Variants in SLC25A13 observed in about 807,000 individuals in gnomAD.
The protein encoded by SLC25A13 is electrogenic aspartate/glutamate antiporter SLC25A13, mitochondrial.
SLC25A13 carries 70 observed loss-of-function variants against 85.5 expected under a neutral mutation model. The observed-to-expected ratio is 0.82, with a 90% CI of 0.68 to 1.00. The LOEUF is 1.00. SLC25A13 is among the 50% of genes least tolerant of loss of function. SLC25A13 has a pLI of 0.00. For missense variants in SLC25A13, 765 were observed against 819.8 expected, an observed-to-expected ratio of 0.93 and a Z score of 0.82; for synonymous variants, 259 against 288.7, an observed-to-expected ratio of 0.90 and a Z score of 1.04.
intron 5 of SLC25A13, among the ~76,000 whole-genome samples, chr7:96,193,485 T>C (rs1015466400): frequency 6.6e-6 from 1 of 152,136 alleles, no homozygotes; most frequent in Admixed American, 6.6e-5. Flanking sequence ...GAATGAAGTG[T>C]TGTAGGTTCA....
chr7:96,141,468 A>G (rs571694193), intron 14 of SLC25A13, among the ~76,000 whole-genome samples: 4 of 152,348 alleles, frequency 2.6e-5, no homozygotes, highest in Admixed American at 6.5e-5. Context: ...GTGAATTAAT[A>G]TGATTTACAT....
intron 3 of SLC25A13, among the ~76,000 whole-genome samples, chr7:96,266,375 T>C (rs1406502700): frequency 6.6e-6 from 1 of 152,158 alleles, no homozygotes; most frequent in Non-Finnish European, 1.5e-5. Flanking sequence ...TTATCTACTC[T>C]CAAGTGAGTC....
At chr7:96,175,415 C>T (rs1279091052) in intron 11 of SLC25A13, among the ~76,000 whole-genome samples, 2 of 152,180 alleles carry the variant, frequency 1.3e-5, no homozygotes, top group Non-Finnish European at 1.5e-5. Context: ...GGGGAGCACT[C>T]GCTATATCCA....
At chr7:96,171,763 C>A (rs1361369177) in intron 11 of SLC25A13, among the ~76,000 whole-genome samples, 1 of 152,130 alleles carries the variant, frequency 6.6e-6, no homozygotes, top group East Asian at 1.9e-4. Flanking sequence ...GGTAAATCAA[C>A]AGTATTAGTG....
At chr7:96,302,022 T>C (rs1023307536) in intron 1 of SLC25A13, among the ~76,000 whole-genome samples, 1 of 152,186 alleles carries the variant, frequency 6.6e-6, no homozygotes, top group Non-Finnish European at 1.5e-5. Context: ...GTATGGAAAT[T>C]TCAGGTCGAT....
intron 14 of SLC25A13, among the ~76,000 whole-genome samples, chr7:96,142,386 T>C (rs1470909546): frequency 6.6e-6 from 1 of 152,216 alleles, no homozygotes; most frequent in African/African-American, 2.4e-5. Context: ...ATTGATTTGC[T>C]TAGGATAGTG....
intron 1 of SLC25A13, among the ~76,000 whole-genome samples, chr7:96,319,655 T>A (rs776536757): frequency 3.3e-5 from 5 of 151,262 alleles, no homozygotes; most frequent in Non-Finnish European, 7.4e-5. Flanking sequence ...GAAAATGCAA[T>A]CACCTCTAGT....
intron 4 of SLC25A13, among the ~76,000 whole-genome samples, chr7:96,228,800 G>C (rs1293494082): frequency 6.6e-6 from 1 of 152,200 alleles, no homozygotes; most frequent in Non-Finnish European, 1.5e-5. Context: ...CCTGCACTCG[G>C]AGTGGATGGC....
chr7:96,228,710 G>C (rs1248098382), intron 4 of SLC25A13, among the ~76,000 whole-genome samples: 1 of 152,166 alleles, frequency 6.6e-6, no homozygotes, highest in Non-Finnish European at 1.5e-5. Context: ...TGTGGAGATA[G>C]ACCGTGTGGG....
At chr7:96,295,019 A>T (rs1440258517) in intron 2 of SLC25A13, among the ~76,000 whole-genome samples, 1 of 152,164 alleles carries the variant, frequency 6.6e-6, no homozygotes, top group Non-Finnish European at 1.5e-5. Flanking sequence ...CTTTCATATA[A>T]GTTACCTCAC....
chr7:96,166,659 T>C (rs943351414), intron 13 of SLC25A13, among the ~76,000 whole-genome samples: 6 of 152,188 alleles, frequency 3.9e-5, no homozygotes, highest in Non-Finnish European at 8.8e-5. Flanking sequence ...ACAGATCATA[T>C]TGCATTACAT....
At chr7:96,239,403 A>G (rs1796878593) in intron 3 of SLC25A13, among the ~76,000 whole-genome samples, 1 of 151,400 alleles carries the variant, frequency 6.6e-6, no homozygotes, top group Admixed American at 6.6e-5. Context: ...TATATAGACA[A>G]ACAGTGCTTC....
At chr7:96,163,759 C>T (rs1584395870) in intron 13 of SLC25A13, among the ~76,000 whole-genome samples, 1 of 152,280 alleles carries the variant, frequency 6.6e-6, no homozygotes, top group South Asian at 2.1e-4. Flanking sequence ...AGCAGGTTCA[C>T]AAAGAAGACC....
At chr7:96,210,136 G>GAA (rs1359942117) in intron 4 of SLC25A13, among the ~76,000 whole-genome samples, 1 of 152,076 alleles carries the variant, frequency 6.6e-6, no homozygotes, top group Non-Finnish European at 1.5e-5. Context: ...TTGTCATGAA[G>GAA]AAACAGTAGT....
intron 17 of SLC25A13, 44 bp downstream of exon 17, chr7:96,121,611 T>C (rs1310444721): frequency 1.3e-6 from 2 of 1,585,000 alleles, no homozygotes; most frequent in East Asian, 2.2e-5. Flanking sequence ...AACAGAGCAT[T>C]AGCAGCAGCC....
intron 1 of SLC25A13, among the ~76,000 whole-genome samples, chr7:96,313,322 GCACAGCA>G (rs901247471): frequency 5.3e-5 from 8 of 152,116 alleles, no homozygotes; most frequent in Admixed American, 2.0e-4. Context: ...AGCCCACAAG[GCACAGCA>G]CTATTCACAG....
At chr7:96,311,454 G>A (rs1482852791) in intron 1 of SLC25A13, among the ~76,000 whole-genome samples, 1 of 152,132 alleles carries the variant, frequency 6.6e-6, no homozygotes, top group African/African-American at 2.4e-5. Flanking sequence ...CCACAAAGAC[G>A]TAATCAGCAA....
intron 15 of SLC25A13, among the ~76,000 whole-genome samples, chr7:96,123,093 G>A (rs1441391473): frequency 6.6e-6 from 1 of 152,140 alleles, no homozygotes; most frequent in East Asian, 1.9e-4. Context: ...TACTGAAGGA[G>A]TATCTCTTCC....
intron 3 of SLC25A13, among the ~76,000 whole-genome samples, chr7:96,244,956 G>GTATATATATA (rs34956392): frequency 6.7e-6 from 1 of 148,824 alleles, no homozygotes; most frequent in African/African-American, 2.5e-5. Context: ...ATTGGCAAAA[G>GTATATATATA]TATATATATA....
Sources: allele counts gnomAD v4.1 joint callset (sites outside exome capture counted in the v4.1 genomes callset), GRCh38; gene constraint gnomAD v4.1.1; transcripts MANE v1.5; gene names NCBI Gene and HGNC (gene_info 2026-07-23, HGNC 2026-07-21).